The following TMCC1 variants were observed in gnomAD, a reference collection of about 807,000 sequenced individuals.
TMCC1 encodes transmembrane and coiled-coil domains protein 1.
In TMCC1, 15 loss-of-function variants were observed where a neutral mutation model predicts 52.4. The observed-to-expected ratio is 0.29, with a 90% CI of 0.19 to 0.44. The LOEUF is 0.44. Ranked by LOEUF, TMCC1 falls within the 20% of genes least tolerant of loss-of-function variation. The probability of loss-of-function intolerance (pLI) is 1.00; values close to 1 mark genes in which losing one functional copy is unlikely to be tolerated. For missense variants in TMCC1, 503 were observed against 806.0 expected, an observed-to-expected ratio of 0.62 and a Z score of 4.55; for synonymous variants, 279 against 301.9, an observed-to-expected ratio of 0.92 and a Z score of 0.79.
At chr3:129,686,892 G>A (rs1473475114) in intron 4 of TMCC1, among the ~76,000 whole-genome samples, 1 of 152,154 alleles carries the variant, frequency 6.6e-6, no homozygotes, top group South Asian at 2.1e-4. Context: ...CAAGAAAATA[G>A]AGAATTTGGA....
intron 2 of TMCC1, among the ~76,000 whole-genome samples, chr3:129,845,834 C>A (rs908761650): frequency 6.6e-6 from 1 of 151,946 alleles, no homozygotes; most frequent in Non-Finnish European, 1.5e-5. Context: ...CATGTCGAGA[C>A]AAGTCTGGGC....
chr3:129,670,840 G>C lies in TMCC1; in HGVS notation c.1001C>G (p.Ala334Gly). Residue 334 changes from alanine to glycine, a missense_variant, in exon 5 of 7, where the codon GCA becomes GGA. This residue lies in a region of TMCC1 where 73 missense variants were observed against 182.9 expected (regional missense o/e 0.40). Coordinates refer to ENST00000393238, the MANE Select transcript of TMCC1 (RefSeq NM_001017395.5). ...ACCTTCACTGAAGCCAGTCACCTTT[G>C]CTCCTACATCCTTCAGACCCTGGTG... ...DMHQGLKDVGAKVTGFSEGVV... is the reference protein window; with the variant it reads ...DMHQGLKDVGGKVTGFSEGVV... 6.2e-7 allele frequency: 1 copy of C among 1,614,142 alleles called. No homozygotes were observed. The highest frequency in any genetic ancestry group is 8.5e-7 in the Non-Finnish European group (1 of 1,180,020).
In TMCC1 at chr3:129,767,562, C is replaced by T. The variant is rs76259377; in HGVS notation, c.576+60241G>A. ...TAATTTTTAAATTTTTTTGTAGAGA[C>T]AGGATCTTTCTATACTGCCCAGGCT... On this transcript the variant is annotated intron_variant, in intron 4 of 6. Coordinates refer to ENST00000393238, the MANE Select transcript of TMCC1 (RefSeq NM_001017395.5). Among the ~76,000 whole-genome samples the T allele has an allele frequency of 0.023, 3,469 of 152,112 alleles. 449 individuals are homozygous for T. In the East Asian group the frequency reaches 0.38, roughly 17 times the overall value.
intron 2 of TMCC1, chr3:129,847,010 C>T (rs1278319674): frequency 1.3e-5 from 2 of 150,006 alleles, no homozygotes; most frequent in African/African-American, 2.4e-5. Flanking sequence ...TTCATACATA[C>T]ATACATACAT....
At chr3:129,701,373 C>A (rs2047819273) in intron 4 of TMCC1, among the ~76,000 whole-genome samples, 1 of 152,196 alleles carries the variant, frequency 6.6e-6, no homozygotes, top group Non-Finnish European at 1.5e-5. Context: ...TAGAAAGTCC[C>A]TAATTGCATT....
chr3:129,818,100 G>A (rs931969710), intron 4 of TMCC1, among the ~76,000 whole-genome samples: 3 of 151,860 alleles, frequency 2.0e-5, no homozygotes, highest in South Asian at 2.1e-4. Flanking sequence ...GTGAGCCACC[G>A]TGCCAGGCCT....
chr3:129,700,967 A>G (rs1405238181), intron 4 of TMCC1, among the ~76,000 whole-genome samples: 2 of 152,174 alleles, frequency 1.3e-5, no homozygotes, highest in Non-Finnish European at 2.9e-5. Flanking sequence ...CTCTACTGTC[A>G]GATGTCATCA....
chr3:129,876,598 A>G (rs1299693049), intron 2 of TMCC1, among the ~76,000 whole-genome samples: 1 of 151,964 alleles, frequency 6.6e-6, no homozygotes, highest in African/African-American at 2.4e-5. Flanking sequence ...GTTTGAGACC[A>G]GCCTGGGCAA....
At chr3:129,750,817 C>T (rs1052015822) in intron 4 of TMCC1, among the ~76,000 whole-genome samples, 2 of 149,878 alleles carry the variant, frequency 1.3e-5, no homozygotes, top group African/African-American at 2.4e-5. Flanking sequence ...CCTTGTGATC[C>T]ACCCGCCACA....
At chr3:129,797,419 A>G (rs1324776996) in intron 4 of TMCC1, among the ~76,000 whole-genome samples, 1 of 151,890 alleles carries the variant, frequency 6.6e-6, no homozygotes. Context: ...CAAGTCTCCA[A>G]AAAAAAATTA....
intron 4 of TMCC1, among the ~76,000 whole-genome samples, chr3:129,716,501 ATTTTTTTT>A (rs563370963): frequency 1.4e-4 from 17 of 124,862 alleles, no homozygotes; most frequent in African/African-American, 5.3e-4. Context: ...CACCCAGCTA[ATTTTTTTT>A]TTTTTTTTTT....
At chr3:129,830,958 G>A (rs902238455) in intron 3 of TMCC1, among the ~76,000 whole-genome samples, 19 of 151,808 alleles carry the variant, frequency 1.3e-4, no homozygotes, top group African/African-American at 2.4e-4. Context: ...TTTTTGAGAC[G>A]GAGTCTTGCT....
chr3:129,652,486 A>G (rs1353860904), intron 6 of TMCC1, among the ~76,000 whole-genome samples: 1 of 152,156 alleles, frequency 6.6e-6, no homozygotes, highest in African/African-American at 2.4e-5. Context: ...GAAAATAGAG[A>G]TCATAAGACT....
chr3:129,768,859 G>A (rs1040794260), intron 4 of TMCC1, among the ~76,000 whole-genome samples: 3 of 152,202 alleles, frequency 2.0e-5, no homozygotes, highest in Non-Finnish European at 4.4e-5. Flanking sequence ...AAAAAGAGCT[G>A]TAGTATGACC....
intron 2 of TMCC1, among the ~76,000 whole-genome samples, chr3:129,867,743 A>G (rs748811913): frequency 6.6e-6 from 1 of 152,218 alleles, no homozygotes; most frequent in Non-Finnish European, 1.5e-5. Flanking sequence ...TATTTTCAAG[A>G]AACTGACTTT....
chr3:129,663,376 A>G (rs2108867856), intron 5 of TMCC1, among the ~76,000 whole-genome samples: 1 of 152,350 alleles, frequency 6.6e-6, no homozygotes, highest in East Asian at 1.9e-4. Flanking sequence ...CTATGGGAGA[A>G]GAATGGACTA....
intron 4 of TMCC1, among the ~76,000 whole-genome samples, chr3:129,793,832 T>A: frequency 6.6e-6 from 1 of 152,240 alleles, no homozygotes; most frequent in East Asian, 1.9e-4. Context: ...CTTCATTAAG[T>A]ATTCAAGTTT....
At chr3:129,724,409 C>G (rs779082761) in intron 4 of TMCC1, among the ~76,000 whole-genome samples, 6 of 152,184 alleles carry the variant, frequency 3.9e-5, no homozygotes, top group Non-Finnish European at 5.9e-5. Context: ...TTAATTTGAT[C>G]TGTATCATAA....
At chr3:129,820,665 T>C (rs532018895) in intron 4 of TMCC1, among the ~76,000 whole-genome samples, 3 of 152,224 alleles carry the variant, frequency 2.0e-5, no homozygotes, top group East Asian at 1.9e-4. Flanking sequence ...AATATGAGAT[T>C]TGTGTTAAAG....
Sources: allele counts gnomAD v4.1 joint callset (sites outside exome capture counted in the v4.1 genomes callset), GRCh38; gene constraint gnomAD v4.1.1; regional missense constraint gnomAD v4.1.1; transcripts MANE v1.5; gene names NCBI Gene and HGNC (gene_info 2026-07-23, HGNC 2026-07-21).